SETD2: variants seen among roughly 807,000 people sequenced by gnomAD.
The protein encoded by SETD2 is histone-lysine N-methyltransferase SETD2.
SETD2 carries 31 observed loss-of-function variants against 242.1 expected under a neutral mutation model. That is an observed-to-expected ratio of 0.13 (90% confidence interval 0.10 to 0.17). The LOEUF (loss-of-function observed/expected upper bound fraction) is 0.17, where lower values mean the gene tolerates loss of function less well. Among genes scored for constraint, SETD2 ranks in the 10% least tolerant of loss-of-function variants. The probability of loss-of-function intolerance (pLI) is 1.00; values close to 1 mark genes in which losing one functional copy is unlikely to be tolerated. For synonymous variants in SETD2, 1,006 were observed against 1,066.5 expected (o/e 0.94, Z 1.11); for missense variants, 2,481 against 3,046.3 (o/e 0.81, Z 4.37).
intron 14 of SETD2, among the ~76,000 whole-genome samples, 198 bp downstream of exon 14, chr3:47,061,965 A>G (rs2040352218): frequency 6.6e-6 from 1 of 152,230 alleles, no homozygotes; most frequent in Non-Finnish European, 1.5e-5. Context: ...ATCAAAACCT[A>G]TTAATCTTCA....
chr3:47,134,590 C>T (rs1013910076), intron 1 of SETD2, among the ~76,000 whole-genome samples: 2 of 151,770 alleles, frequency 1.3e-5, no homozygotes, highest in African/African-American at 2.4e-5. Context: ...TACATCAGAA[C>T]GTATCTCAGT....
rs139159960 is a variant in SETD2, at chr3:47,042,508, C to T, written c.7238+53G>A. On this transcript the variant is annotated intron_variant, in intron 17 of 20. Coordinates refer to ENST00000409792, the MANE Select transcript of SETD2 (RefSeq NM_014159.7). Reference sequence around the variant, plus strand: ...TGTAAAACTCCCCTTATAGTGGCAACTTCTTTGATTAAGTAAAAGCAGACA... The same window carrying T: ...TGTAAAACTCCCCTTATAGTGGCAATTTCTTTGATTAAGTAAAAGCAGACA... The T allele has an allele frequency of 9.3e-4, 1,491 of 1,599,136 alleles. 12 individuals carry two copies. The African/African-American group carries it at 0.018, about 19-fold the overall frequency.
At chr3:47,106,926 T>G (rs532473554) in intron 5 of SETD2, among the ~76,000 whole-genome samples, 2 of 152,186 alleles carry the variant, frequency 1.3e-5, no homozygotes, top group Non-Finnish European at 2.9e-5. Flanking sequence ...TCTAATTCCC[T>G]TTATGTAATG....
Position 47,121,184 on chromosome 3 carries a change from T to C in SETD2, c.3452A>G (p.Lys1151Arg), listed in dbSNP as rs2106641901. Residue 1151 changes from lysine to arginine, a missense_variant, in exon 3 of 21, where the codon AAA (lysine) becomes AGA (arginine). Physicochemically the swap from Lys to Arg is conservative, Grantham distance 26 (BLOSUM62 2). Transcript: ENST00000409792. Reference sequence around the variant, plus strand: ...TTCAGGCAGGCGATTATCTATTTGTTTTCTACTGGACTGTGTAAAAGAAAT... The same window carrying C: ...TTCAGGCAGGCGATTATCTATTTGTCTTCTACTGGACTGTGTAAAAGAAAT... Reference protein sequence around the residue: ...PEISFTQSSRKQIDNRLPELS... With the variant: ...PEISFTQSSRRQIDNRLPELS... The C allele has an allele frequency of 6.2e-7, 1 of 1,614,178 alleles. No individual in the cohort carries two copies. Among genetic ancestry groups the C allele is most frequent in the African/African-American group, 1.3e-5 (1 of 75,062 alleles).
At position 47,062,179 on chromosome 3, in the gene SETD2, T is replaced by C. The variant is rs2040361944; in HGVS notation, c.6277A>G (p.Lys2093Glu). The C allele has an allele frequency of 6.2e-7, 1 of 1,613,212 alleles. No homozygotes were observed. The highest frequency in any genetic ancestry group is 8.5e-7 in the Non-Finnish European group (1 of 1,179,838). Residue 2093 changes from lysine to glutamate, a missense_variant, in exon 14 of 21, where the codon AAA becomes GAA. Physicochemically the swap from Lys to Glu is moderately conservative, Grantham distance 56. Transcript: ENST00000409792. ...PPSSAYERGT[K>E]RPDDRYDTPT... ...GCCACTTACCTGTCATCTGGCCTTT[T>C]TGTTCCCCGCTCATAGGCAGAAGAG...
chr3:47,085,839 A>C (rs537886594), intron 11 of SETD2, among the ~76,000 whole-genome samples: 28 of 152,246 alleles, frequency 1.8e-4, no homozygotes, highest in African/African-American at 6.0e-4. Context: ...CCAATTCTTT[A>C]GACCCCACAG....
At chr3:47,036,571 C>G (rs141207344) in intron 18 of SETD2, among the ~76,000 whole-genome samples, 1 of 151,784 alleles carries the variant, frequency 6.6e-6, no homozygotes, top group Admixed American at 6.6e-5. Flanking sequence ...TTTGAACAGA[C>G]CAATCACGAA....
chr3:47,092,928 C>T (rs2041863114), intron 9 of SETD2, among the ~76,000 whole-genome samples: 1 of 152,116 alleles, frequency 6.6e-6, no homozygotes, highest in African/African-American at 2.4e-5. Flanking sequence ...CTTATCCTAA[C>T]ATTTTAAGAA....
At chr3:47,111,111 A>AG (rs2042633557) in intron 5 of SETD2, among the ~76,000 whole-genome samples, 1 of 139,626 alleles carries the variant, frequency 7.2e-6, no homozygotes, top group South Asian at 2.4e-4. Context: ...AAAAAAAAAA[A>AG]TCTCAAGAAG....
intron 4 of SETD2, among the ~76,000 whole-genome samples, chr3:47,114,857 C>G (rs1041776092): frequency 1.5e-5 from 2 of 129,286 alleles, no homozygotes; most frequent in Non-Finnish European, 3.1e-5. Flanking sequence ...CTAGCCTGGG[C>G]GACAGAGGGA....
In SETD2 at chr3:47,065,334, A is replaced by T. The variant is rs182219403; in HGVS notation, c.6109+1736T>A. Among the ~76,000 whole-genome samples the T allele has an allele frequency of 1.9e-3, 296 of 152,120 alleles. 3 individuals carry two copies. The highest frequency in any genetic ancestry group is 6.5e-3 in the African/African-American group (270 of 41,494). ...CAGGTCTTTAACCAATAAGACTAAG[A>T]TTATATAAAAAGTTATGCACACCAA... is the stretch of plus-strand genomic sequence containing the variant. On this transcript the variant is annotated intron_variant, in intron 13 of 20. Transcript: ENST00000409792.
intron 12 of SETD2, among the ~76,000 whole-genome samples, chr3:47,077,379 G>A (rs997337692): frequency 6.6e-5 from 10 of 152,074 alleles, no homozygotes; most frequent in African/African-American, 1.2e-4. Flanking sequence ...CACCACGCCC[G>A]GCCTGCTGTG....
intron 4 of SETD2, among the ~76,000 whole-genome samples, chr3:47,114,602 A>G (rs1020770117): frequency 6.6e-6 from 1 of 152,122 alleles, no homozygotes; most frequent in Non-Finnish European, 1.5e-5. Flanking sequence ...GAGGGGGCTG[A>G]GTACGGTGAT....
At chr3:47,160,289 ATTAT>A (rs373396749) in intron 1 of SETD2, among the ~76,000 whole-genome samples, 36 of 151,684 alleles carry the variant, frequency 2.4e-4, no homozygotes, top group African/African-American at 8.2e-4. Flanking sequence ...AACACTCTAC[ATTAT>A]TTATTTAATT....
chr3:47,146,479 T>A (rs1478031353), intron 1 of SETD2, among the ~76,000 whole-genome samples: 1 of 151,798 alleles, frequency 6.6e-6, no homozygotes, highest in Non-Finnish European at 1.5e-5. Flanking sequence ...AATACAAAAA[T>A]TAACCAGTCA....
intron 1 of SETD2, among the ~76,000 whole-genome samples, chr3:47,134,440 G>C (rs1416714597): frequency 6.6e-6 from 1 of 152,072 alleles, no homozygotes; most frequent in Non-Finnish European, 1.5e-5. Flanking sequence ...CTAGCTCTCT[G>C]CTTGGACTAT....
chr3:47,160,319 C>T (rs933387222), intron 1 of SETD2, among the ~76,000 whole-genome samples: 13 of 150,242 alleles, frequency 8.7e-5, no homozygotes, highest in Admixed American at 6.6e-4. Context: ...ATTTTTTTTT[C>T]GAGATGGAAT....
intron 1 of SETD2, among the ~76,000 whole-genome samples, chr3:47,151,311 T>C (rs546576021): frequency 6.6e-6 from 1 of 152,022 alleles, no homozygotes; most frequent in Non-Finnish European, 1.5e-5. Flanking sequence ...ATCTTAAAAA[T>C]TACAGAATTA....
At chr3:47,050,871 T>C (rs973885688) in intron 15 of SETD2, among the ~76,000 whole-genome samples, 4 of 150,704 alleles carry the variant, frequency 2.7e-5, no homozygotes, top group Non-Finnish European at 4.4e-5. Context: ...GCTGGGATTA[T>C]AGGCGTGCGC....
Sources: allele counts gnomAD v4.1 joint callset (sites outside exome capture counted in the v4.1 genomes callset), GRCh38; gene constraint gnomAD v4.1.1; transcripts MANE v1.5; gene names NCBI Gene and HGNC (gene_info 2026-07-23, HGNC 2026-07-21).